The following LRP5 variants were observed in gnomAD, a reference collection of about 807,000 sequenced individuals.
LRP5 encodes the protein low-density lipoprotein receptor-related protein 5.
Under a neutral mutation model 154.1 loss-of-function variants are expected in LRP5, and 62 were observed. The ratio of observed to expected loss-of-function variants is 0.40; its 90% CI spans 0.33 to 0.50. The LOEUF (loss-of-function observed/expected upper bound fraction) is 0.50. Among genes scored for constraint, LRP5 ranks in the 20% least tolerant of loss-of-function variants. LRP5 has a pLI of 0.55. For missense variants in LRP5, 1,915 were observed against 2,336.7 expected (o/e 0.82, Z 3.72); for synonymous variants, 966 against 1,011.5 (o/e 0.96, Z 0.85).
chr11:68,371,627 G>A (rs898569521), intron 5 of LRP5, among the ~76,000 whole-genome samples: 28 of 152,372 alleles, frequency 1.8e-4, no homozygotes, highest in African/African-American at 4.8e-4. Flanking sequence ...GCGGCCGTGC[G>A]CCCGGCGGGC....
Position 68,409,997 on chromosome 11 carries a change from T to C in LRP5, c.2175T>C (p.Val725=), listed in dbSNP as rs200570645. Residue 725 remains valine, a synonymous_variant, in exon 10 of 23, where the codon GTT becomes GTC. Transcript: ENST00000294304. ...FGLDYPEGMA[V]DWMGKNLYWA... ...TTGACTACCCCGAGGGCATGGCCGT[T>C]GACTGGATGGGCAAGAACCTCTACT... is the stretch of plus-strand genomic sequence containing the variant. 1.6e-4 allele frequency: 263 copies of C among 1,613,998 alleles called. No homozygotes were observed. Among genetic ancestry groups the C allele is most frequent in the Non-Finnish European group, 2.1e-4 (251 of 1,180,032 alleles).
intron 1 of LRP5, among the ~76,000 whole-genome samples, chr11:68,318,566 T>G (rs553039815): frequency 4.3e-4 from 66 of 152,224 alleles, no homozygotes; most frequent in African/African-American, 1.3e-3. Context: ...CTTGAACTCC[T>G]GGGCTCAAGC....
intron 21 of LRP5, chr11:68,445,798 C>A: frequency 1.7e-6 from 1 of 574,436 alleles, no homozygotes; most frequent in Non-Finnish European, 2.8e-6. Flanking sequence ...GTGAATTTGT[C>A]TATTTACTAT....
intron 17 of LRP5, among the ~76,000 whole-genome samples, chr11:68,430,323 G>A (rs1034618563): frequency 3.1e-4 from 47 of 152,090 alleles, no homozygotes; most frequent in Middle Eastern, 3.2e-3. Flanking sequence ...ACAGGTGCAC[G>A]CCACCATACC....
intron 19 of LRP5, 113 bp downstream of exon 19, chr11:68,437,112 C>T (rs2098675466): frequency 2.3e-6 from 2 of 885,968 alleles, no homozygotes; most frequent in African/African-American, 1.6e-5. Flanking sequence ...GTGTGGGAGA[C>T]TCAGGCGGCT....
In LRP5 at chr11:68,353,634, C is replaced by T. The variant is rs1011067644; in HGVS notation, c.489-4016C>T. 6.6e-6 allele frequency among the ~76,000 whole-genome samples: 1 copy of T among 152,190 alleles called. No individual in the cohort carries two copies. Among genetic ancestry groups the T allele is most frequent in the African/African-American group, 2.4e-5 (1 of 41,440 alleles). On this transcript the variant is annotated intron_variant, in intron 2 of 22. Transcript: ENST00000294304. The surrounding 1 kb of genome is among the most constrained non-coding windows in gnomAD (Gnocchi z 4.5). ...TGTCCTGGCCACAGGCACACGGTTG[C>T]GAGGAGCATCTTGGCCTTCCTCCCG... is the stretch of plus-strand genomic sequence containing the variant.
At chr11:68,401,404 A>G (rs678263) in intron 7 of LRP5, among the ~76,000 whole-genome samples, 126,881 of 152,210 alleles carry the variant, frequency 0.83, 54,398 homozygotes, top group East Asian at 0.98. Flanking sequence ...CCGCCTGCTC[A>G]TCAGAACCGC....
In LRP5 at chr11:68,389,894, A is replaced by G; in HGVS notation, c.1426A>G (p.Thr476Ala). Residue 476 changes from threonine (T) to alanine (A), a missense_variant, in exon 7 of 23, where the codon ACA (threonine) becomes GCA (alanine). Physicochemically the swap from Thr to Ala is moderately conservative, Grantham distance 58. Coordinates refer to ENST00000294304, the MANE Select transcript of LRP5 (RefSeq NM_002335.4). Reference sequence around the variant, plus strand: ...CTTCTTCTCCAGCCTCATGTACTGGACAGACTGGGGAGAGAACCCTAAAAT... The same window carrying G: ...CTTCTTCTCCAGCCTCATGTACTGGGCAGACTGGGGAGAGAACCCTAAAAT... ...LHPVMGLMYW[T>A]DWGENPKIEC... 6.2e-7 allele frequency: 1 copy of G among 1,614,262 alleles called. No individual in the cohort carries two copies. The highest frequency in any genetic ancestry group is 8.5e-7 in the Non-Finnish European group (1 of 1,180,048).
In LRP5 at chr11:68,403,714, T is replaced by TC; in HGVS notation, c.1801+18dup. On this transcript the variant is annotated intron_variant, in intron 8 of 22. Coordinates refer to ENST00000294304, the MANE Select transcript of LRP5 (RefSeq NM_002335.4). ...CAAGGTCGTCGGTGAGTCCGGGGGG[T>TC]CCCAAGCCATGGCTCAGCCATGCAG... 1.2e-6 allele frequency: 2 copies of TC among 1,611,130 alleles called. No individual in the cohort carries two copies. Among genetic ancestry groups the TC allele is most frequent in the Non-Finnish European group, 1.7e-6 (2 of 1,179,568 alleles).
At chr11:68,435,292 C>T (rs777789445) in intron 18 of LRP5, among the ~76,000 whole-genome samples, 18 of 152,302 alleles carry the variant, frequency 1.2e-4, no homozygotes, top group Admixed American at 3.3e-4. Context: ...GTCCATTTTG[C>T]ATTGCTATGA....
rs2098645446 is a variant in LRP5, at chr11:68,390,013, G to A, written c.1545G>A (p.Gly515=). Residue 515 remains glycine, a synonymous_variant, in exon 7 of 23, where the codon GGG becomes GGA. Coordinates refer to ENST00000294304, the MANE Select transcript of LRP5 (RefSeq NM_002335.4). ...GCCTGGCCCTGGACCTGCAGGAGGG[G>A]AAGCTCTACTGGGGAGACGCCAAGA... ...PNGLALDLQE[G]KLYWGDAKTD... is the part of the protein sequence containing the mutation. The A allele has an allele frequency of 5.6e-6, 9 of 1,614,254 alleles. No homozygotes were observed. Among genetic ancestry groups the A allele is most frequent in the Non-Finnish European group, 7.6e-6 (9 of 1,180,050 alleles).
intron 1 of LRP5, among the ~76,000 whole-genome samples, chr11:68,317,465 C>T (rs2153112550): frequency 6.6e-6 from 1 of 152,308 alleles, no homozygotes; most frequent in African/African-American, 2.4e-5. Context: ...GTGCTGGTTG[C>T]CCCCGAGGGG....
At chr11:68,445,288 T>C (rs587357) in intron 21 of LRP5, among the ~76,000 whole-genome samples, 52,994 of 151,692 alleles carry the variant, frequency 0.35, 9,837 homozygotes, top group Middle Eastern at 0.49. Context: ...TTAGTAGAGA[T>C]GAGGTTTCAC....
chr11:68,433,817 T>C lies in LRP5; in HGVS notation c.3979T>C (p.Ser1327Pro). Reference sequence around the variant, plus strand: ...CGGCGAGGCAGACTGTCAGGACCGCTCAGACGAGGCGGACTGTGACGGTGA... The same window carrying C: ...CGGCGAGGCAGACTGTCAGGACCGCCCAGACGAGGCGGACTGTGACGGTGA... ...CDGEADCQDR[S>P]DEADCDAICL... The change falls in exon 18 of 23, where the codon TCA (serine) becomes CCA (proline). Residue 1327 changes from serine (S) to proline (P), a missense_variant. Ser to Pro is a moderately conservative substitution (Grantham distance 74). Coordinates refer to ENST00000294304, the MANE Select transcript of LRP5 (RefSeq NM_002335.4). The C allele has an allele frequency of 6.2e-7, 1 of 1,612,522 alleles. No homozygotes were observed. The highest frequency in any genetic ancestry group is 8.5e-7 in the Non-Finnish European group (1 of 1,179,718).
chr11:68,443,468 C>T (rs12793818), intron 21 of LRP5, among the ~76,000 whole-genome samples: 7,225 of 90,090 alleles, frequency 0.08, 189 homozygotes, highest in Middle Eastern at 0.26. Context: ...CCAGCCTGGG[C>T]GACAGAGCGA....
chr11:68,340,976 C>T (rs2098608621), intron 1 of LRP5, among the ~76,000 whole-genome samples: 1 of 149,572 alleles, frequency 6.7e-6, no homozygotes, highest in South Asian at 2.1e-4. Context: ...TTTGTTGTTA[C>T]CGCAGTCATT....
chr11:68,406,838 C>G (rs1262714962), intron 9 of LRP5, 25 bp downstream of exon 9: 1 of 1,611,554 alleles, frequency 6.2e-7, no homozygotes, highest in Admixed American at 1.7e-5. Context: ...AACGTGCACA[C>G]AGGCAGCCTT....
At chr11:68,403,421 CG>C in intron 7 of LRP5, 61 bp from the exon 8 acceptor site, 1 of 1,484,354 alleles carries the variant, frequency 6.7e-7, no homozygotes, top group African/African-American at 1.4e-5. Context: ...AGGCAGGGTC[CG>C]GGTTGGCTCT....
the LRP5 span, among the ~76,000 whole-genome samples, chr11:68,304,601 G>A: frequency 3.3e-5 from 5 of 152,260 alleles, no homozygotes; most frequent in East Asian, 1.9e-4. Flanking sequence ...TGGAAAAGCC[G>A]CAGGCCCTCA....
Sources: gnomAD v4.1 joint callset for allele counts (sites outside exome capture counted in the v4.1 genomes callset) on GRCh38, gnomAD v4.1.1 for gene constraint, Gnocchi (gnomAD v3.1) non-coding constraint, MANE v1.5 for transcripts, NCBI Gene and HGNC (gene_info 2026-07-23, HGNC 2026-07-21) for gene names.